The following MDFIC variants were observed in gnomAD, a reference collection of about 807,000 sequenced individuals.
MDFIC encodes the protein MyoD family inhibitor domain containing.
In MDFIC, 17 loss-of-function variants were observed where a neutral mutation model predicts 23.2. The ratio of observed to expected loss-of-function variants is 0.73; its 90% confidence interval spans 0.50 to 1.10. MDFIC has a LOEUF of 1.10. MDFIC is among the 50% of genes least tolerant of loss of function. The probability of loss-of-function intolerance (pLI) is 0.00; values close to 1 mark genes in which losing one functional copy is unlikely to be tolerated. For missense variants in MDFIC, 356 were observed against 316.6 expected (o/e 1.12, Z -0.95); for synonymous variants, 120 against 115.2 (o/e 1.04, Z -0.27).
rs115956155 is a variant in MDFIC, at chr7:114,998,276, G to A, written c.494-17412G>A. ...ATCAAAGTGTTATTCATTGAATATA[G>A]CTTTCAACTTCAGTTATTTGAGATA... is the stretch of plus-strand genomic sequence containing the variant. On this transcript the variant is annotated intron_variant, in intron 4 of 4. Coordinates refer to ENST00000393486, the MANE Select transcript of MDFIC (RefSeq NM_001166345.3). 4.3e-3 allele frequency among the ~76,000 whole-genome samples: 653 copies of A among 152,214 alleles called. 3 individuals carry two copies. Among genetic ancestry groups the A allele is most frequent in the African/African-American group, 0.013 (548 of 41,532 alleles).
chr7:114,931,513 G>A (rs537890639), intron 2 of MDFIC, among the ~76,000 whole-genome samples: 2 of 152,238 alleles, frequency 1.3e-5, no homozygotes, highest in East Asian at 3.9e-4. Flanking sequence ...AAGGTCCTGC[G>A]AAAATTAAGA....
chr7:115,015,691 G>T lies in MDFIC; in HGVS notation c.497G>T (p.Cys166Phe), dbSNP rs747817219. Residue 166 changes from cysteine (C) to phenylalanine (F), a missense_variant, in exon 5 of 5, where the codon TGT becomes TTT. Coordinates refer to ENST00000393486, the MANE Select transcript of MDFIC (RefSeq NM_001166345.3). The stretch of plus-strand genomic sequence containing the variant: ...CTCCTCATCACTGAAAATGAAGATT[G>T]TTGTGTCCACTGTATCCTGGCTTGC... ...SQKTGSSPED[C>F]CVHCILACLF... 1.2e-6 allele frequency: 2 copies of T among 1,613,822 alleles called. No homozygotes were observed. Among genetic ancestry groups the T allele is most frequent in the Non-Finnish European group, 8.5e-7 (1 of 1,179,882 alleles).
intron 3 of MDFIC, among the ~76,000 whole-genome samples, chr7:114,960,598 A>T (rs1214623346): frequency 1.3e-5 from 2 of 152,214 alleles, no homozygotes; most frequent in African/African-American, 2.4e-5. Flanking sequence ...ATATAATGAA[A>T]GATCTCAATC....
At chr7:114,953,370 A>T (rs1792818118) in intron 3 of MDFIC, among the ~76,000 whole-genome samples, 1 of 152,210 alleles carries the variant, frequency 6.6e-6, no homozygotes, top group African/African-American at 2.4e-5. Flanking sequence ...AATAATATTG[A>T]TTTTTGCCAT....
intron 4 of MDFIC, among the ~76,000 whole-genome samples, chr7:114,996,479 G>A (rs1303890929): frequency 6.6e-6 from 1 of 152,172 alleles, no homozygotes; most frequent in Non-Finnish European, 1.5e-5. Context: ...GGAAGGTCAT[G>A]TTTGGTTTGG....
At chr7:114,981,707 A>G (rs1793420623) in intron 4 of MDFIC, among the ~76,000 whole-genome samples, 1 of 152,254 alleles carries the variant, frequency 6.6e-6, no homozygotes, top group African/African-American at 2.4e-5. Context: ...TTGTAAGACT[A>G]TAGAATTTAG....
chr7:114,999,133 A>G (rs1791407134), intron 4 of MDFIC, among the ~76,000 whole-genome samples: 1 of 151,892 alleles, frequency 6.6e-6, no homozygotes, highest in Non-Finnish European at 1.5e-5. Context: ...TTCATTTGCA[A>G]ATTTTACATG....
At chr7:114,970,111 G>A (rs1793179503) in intron 3 of MDFIC, among the ~76,000 whole-genome samples, 1 of 152,178 alleles carries the variant, frequency 6.6e-6, no homozygotes, top group East Asian at 1.9e-4. Flanking sequence ...TTGTTGTTGA[G>A]TTTCTTCCCT....
intron 2 of MDFIC, among the ~76,000 whole-genome samples, chr7:114,937,999 A>T (rs921081165): frequency 2.0e-5 from 3 of 152,212 alleles, no homozygotes; most frequent in Non-Finnish European, 4.4e-5. Flanking sequence ...CTTGTTGCCC[A>T]GGCTGGAGTG....
At chr7:114,964,083 A>G (rs1793045331) in intron 3 of MDFIC, among the ~76,000 whole-genome samples, 1 of 152,126 alleles carries the variant, frequency 6.6e-6, no homozygotes, top group Admixed American at 6.5e-5. Flanking sequence ...TATTAGCTCC[A>G]TGTATTATTC....
chr7:114,954,975 G>C (rs145010342), intron 3 of MDFIC, among the ~76,000 whole-genome samples: 1,555 of 151,980 alleles, frequency 0.01, 66 homozygotes, highest in Admixed American at 0.081. Context: ...GATGCCACTG[G>C]GTTCCTTTCT....
At chr7:114,956,706 T>A (rs985934605) in intron 3 of MDFIC, among the ~76,000 whole-genome samples, 3 of 152,152 alleles carry the variant, frequency 2.0e-5, no homozygotes, top group African/African-American at 4.8e-5. Flanking sequence ...CCCAGACCAA[T>A]GAATTTAGAA....
At chr7:115,006,642 A>G (rs1374589383) in intron 4 of MDFIC, among the ~76,000 whole-genome samples, 3 of 152,244 alleles carry the variant, frequency 2.0e-5, no homozygotes, top group African/African-American at 7.2e-5. Flanking sequence ...TAGAAAATAT[A>G]TTAAGCATTT....
intron 4 of MDFIC, among the ~76,000 whole-genome samples, chr7:115,004,686 C>T (rs1350725085): frequency 6.6e-6 from 1 of 152,168 alleles, no homozygotes; most frequent in Admixed American, 6.5e-5. Context: ...GCATTGTCTC[C>T]AGGCTCCTAT....
intron 3 of MDFIC, among the ~76,000 whole-genome samples, chr7:114,943,624 A>C (rs1469817671): frequency 6.6e-6 from 1 of 152,210 alleles, no homozygotes; most frequent in African/African-American, 2.4e-5. Context: ...TTTCAAGTAA[A>C]TATTTATCTG....
In MDFIC at chr7:114,979,561, G is replaced by A. The variant is rs751478730; in HGVS notation, c.273G>A (p.Glu91=). The stretch of plus-strand genomic sequence containing the variant: ...CTTCAGCCCAGGTGCCAAGTGGTGA[G>A]GAAATAGGCAAGATAAAGAACGGCC... ...LQTSAQVPSG[E]EIGKIKNGHT... The change falls in exon 4 of 5, where the codon GAG becomes GAA. Residue 91 remains glutamate (E), a synonymous_variant. Transcript: ENST00000393486. The A allele has an allele frequency of 1.9e-6, 3 of 1,614,020 alleles. No individual in the cohort carries two copies. The South Asian group carries it at 3.3e-5, about 18-fold the overall frequency.
intron 2 of MDFIC, among the ~76,000 whole-genome samples, chr7:114,940,541 ATATTTCT>A (rs1031948003): frequency 2.6e-5 from 4 of 152,092 alleles, no homozygotes; most frequent in Non-Finnish European, 5.9e-5. Flanking sequence ...ACTCTTCTTG[ATATTTCT>A]TAATATATTC....
intron 4 of MDFIC, among the ~76,000 whole-genome samples, chr7:114,996,027 C>A (rs542596442): frequency 6.6e-6 from 1 of 152,186 alleles, no homozygotes; most frequent in Non-Finnish European, 1.5e-5. Context: ...AATCAAACAT[C>A]TCTAAGAACT....
chr7:114,924,671 A>G (rs542257510), intron 2 of MDFIC, among the ~76,000 whole-genome samples: 2 of 152,356 alleles, frequency 1.3e-5, no homozygotes, highest in Non-Finnish European at 2.9e-5. Flanking sequence ...CTTTAGCAAC[A>G]TAGTTATACA....
Sources: allele counts gnomAD v4.1 joint callset (sites outside exome capture counted in the v4.1 genomes callset), GRCh38; gene constraint gnomAD v4.1.1; transcripts MANE v1.5; gene names NCBI Gene and HGNC (gene_info 2026-07-23, HGNC 2026-07-21).